Variants in CSMD1 observed in about 807,000 individuals in gnomAD.
The protein encoded by CSMD1 is CUB and sushi domain-containing protein 1.
Under a neutral mutation model 417.5 loss-of-function variants are expected in CSMD1, and 213 were observed. That is an observed-to-expected ratio of 0.51 (90% CI 0.46 to 0.57). The LOEUF is 0.57. Ranked by LOEUF, CSMD1 falls within the 20% of genes least tolerant of loss-of-function variation. The pLI is 0.00. For missense variants in CSMD1, 6,923 were observed against 4,529.7 expected, an observed-to-expected ratio of 1.53 and a Z score of -15.17; for synonymous variants, 2,862 against 1,736.8, an observed-to-expected ratio of 1.65 and a Z score of -16.11.
chr8:3,274,928 A>G (rs987107378), intron 26 of CSMD1, among the ~76,000 whole-genome samples: 3 of 152,104 alleles, frequency 2.0e-5, no homozygotes, highest in African/African-American at 7.2e-5. Flanking sequence ...GTCCATTTAC[A>G]TTTAAAGTTA....
chr8:3,413,493 A>C (rs73657858), intron 12 of CSMD1, among the ~76,000 whole-genome samples: 15,352 of 152,204 alleles, frequency 0.1, 965 homozygotes, highest in East Asian at 0.26. Flanking sequence ...AGGGGTTGAC[A>C]AGTAACTGTC....
At chr8:4,663,392 C>T (rs1585413110) in intron 1 of CSMD1, among the ~76,000 whole-genome samples, 2 of 152,166 alleles carry the variant, frequency 1.3e-5, no homozygotes, top group African/African-American at 4.8e-5. Context: ...TTGGAAGATG[C>T]TAAGTGATTG....
At chr8:4,905,191 T>C (rs1322340774) in intron 1 of CSMD1, among the ~76,000 whole-genome samples, 4 of 152,126 alleles carry the variant, frequency 2.6e-5, no homozygotes, top group Admixed American at 6.5e-5. Context: ...AAAAAAGTTA[T>C]ATTTGATATC....
chr8:4,174,869 T>A (rs73510841), intron 3 of CSMD1, among the ~76,000 whole-genome samples: 1 of 146,750 alleles, frequency 6.8e-6, no homozygotes, highest in African/African-American at 2.6e-5. Context: ...AAAATATTGA[T>A]GTTAATGTAC....
intron 5 of CSMD1, among the ~76,000 whole-genome samples, chr8:3,800,557 G>C (rs1184031346): frequency 6.6e-6 from 1 of 152,066 alleles, no homozygotes; most frequent in African/African-American, 2.4e-5. Flanking sequence ...CAATGGCTTG[G>C]ATATGGTTGT....
intron 1 of CSMD1, among the ~76,000 whole-genome samples, chr8:4,814,761 A>G (rs760533524): frequency 6.6e-6 from 1 of 152,168 alleles, no homozygotes; most frequent in Non-Finnish European, 1.5e-5. Context: ...GATCATTGAT[A>G]AGGAAATGTT....
chr8:3,695,401 A>G (rs1389012888), intron 7 of CSMD1, among the ~76,000 whole-genome samples: 1 of 149,214 alleles, frequency 6.7e-6, no homozygotes, highest in Non-Finnish European at 1.5e-5. Context: ...GCTAAAACTC[A>G]CTTTTATTAG....
At chr8:4,615,794 G>A (rs949062112) in intron 2 of CSMD1, among the ~76,000 whole-genome samples, 2 of 152,056 alleles carry the variant, frequency 1.3e-5, no homozygotes, top group Admixed American at 1.3e-4. Context: ...CTTAACACAT[G>A]ACTATTTCCA....
intron 33 of CSMD1, among the ~76,000 whole-genome samples, chr8:3,193,440 T>A (rs991879899): frequency 6.6e-6 from 1 of 152,064 alleles, no homozygotes; most frequent in African/African-American, 2.4e-5. Context: ...AATTGAGACA[T>A]CACAGCTCCA....
intron 5 of CSMD1, among the ~76,000 whole-genome samples, chr8:3,786,434 G>T (rs561419257): frequency 1.3e-5 from 2 of 152,238 alleles, no homozygotes; most frequent in South Asian, 4.2e-4. Context: ...AAGTACGAGA[G>T]AAAGCATCTG....
intron 1 of CSMD1, among the ~76,000 whole-genome samples, chr8:4,843,711 T>C (rs528054029): frequency 1.3e-5 from 2 of 152,352 alleles, no homozygotes; most frequent in African/African-American, 4.8e-5. Flanking sequence ...CCAGAATATA[T>C]TATTCTGTTT....
chr8:4,150,782 A>T (rs1015077742), intron 3 of CSMD1, among the ~76,000 whole-genome samples: 1 of 152,202 alleles, frequency 6.6e-6, no homozygotes, highest in Non-Finnish European at 1.5e-5. Flanking sequence ...GATCATTTAA[A>T]TGTGTAGTTT....
At chr8:4,103,555 A>C (rs984178914) in intron 3 of CSMD1, among the ~76,000 whole-genome samples, 1 of 151,990 alleles carries the variant, frequency 6.6e-6, no homozygotes, top group African/African-American at 2.4e-5. Flanking sequence ...TGACTGCATC[A>C]AAGTTTGATA....
chr8:4,977,098 T>C (rs945925601), intron 1 of CSMD1, among the ~76,000 whole-genome samples: 3 of 152,208 alleles, frequency 2.0e-5, no homozygotes, highest in African/African-American at 7.2e-5. Flanking sequence ...TCTCTCAAGA[T>C]GGAGCACATT....
chr8:4,340,647 G>T (rs1800422309), intron 3 of CSMD1, among the ~76,000 whole-genome samples: 1 of 152,032 alleles, frequency 6.6e-6, no homozygotes, highest in Non-Finnish European at 1.5e-5. Flanking sequence ...AGTGGAGCTT[G>T]GTCGTGAATT....
At chr8:4,051,209 C>G (rs1173563333) in intron 3 of CSMD1, among the ~76,000 whole-genome samples, 1 of 151,504 alleles carries the variant, frequency 6.6e-6, no homozygotes, top group Non-Finnish European at 1.5e-5. Context: ...AGAGCACAGC[C>G]TCCCAGGGAC....
At position 3,837,506 on chromosome 8, in the gene CSMD1, C is replaced by A. The variant is rs141757087; in HGVS notation, c.819-83464G>T. ...AACAGCAGAAACAAGATGTGAGATC[C>A]TGAGGATGCAGAGACATTTAAAAAA... On this transcript the variant is annotated intron_variant, in intron 5 of 69. Coordinates refer to ENST00000635120, the MANE Select transcript of CSMD1 (RefSeq NM_033225.6). Among the ~76,000 whole-genome samples, 3 of 152,192 alleles carry A rather than the reference C, an allele frequency of 2.0e-5. No individual in the cohort carries two copies. The East Asian group carries it at 5.8e-4, about 29-fold the overall frequency.
chr8:3,706,918 T>A (rs11987544), intron 7 of CSMD1, among the ~76,000 whole-genome samples: 81,900 of 152,012 alleles, frequency 0.54, 22,211 homozygotes, highest in Admixed American at 0.6. Flanking sequence ...CCCATCCTTT[T>A]CCAATCTAAT....
chr8:4,647,636 G>C (rs975119474), intron 1 of CSMD1, among the ~76,000 whole-genome samples: 7 of 151,764 alleles, frequency 4.6e-5, no homozygotes, highest in Non-Finnish European at 7.4e-5. Flanking sequence ...TCATTGTTCA[G>C]CTCCCACTTG....
Sources: gnomAD v4.1 joint callset for allele counts (sites outside exome capture counted in the v4.1 genomes callset) on GRCh38, gnomAD v4.1.1 for gene constraint, MANE v1.5 for transcripts, NCBI Gene and HGNC (gene_info 2026-07-23, HGNC 2026-07-21) for gene names.